CC2D1B: variants seen among roughly 807,000 people sequenced by gnomAD.
CC2D1B encodes the protein coiled-coil and C2 domain containing 1B, also known as coiled-coil and C2 domain-containing protein 1B.
In CC2D1B, 92 loss-of-function variants were observed where a neutral mutation model predicts 110.8. The ratio of observed to expected loss-of-function variants is 0.83; its 90% CI spans 0.70 to 0.99. The LOEUF is 0.99. Among genes scored for constraint, CC2D1B ranks in the 50% least tolerant of loss-of-function variants. The pLI, the probability that CC2D1B is intolerant of heterozygous loss-of-function variation, is 0.00. For missense variants in CC2D1B, 1,136 were observed against 1,089.0 expected (o/e 1.04, Z -0.61); for synonymous variants, 406 against 429.2 (o/e 0.95, Z 0.67).
intron 15 of CC2D1B, 156 bp from the exon 16 acceptor site, chr1:52,357,282 C>T: frequency 1.0e-6 from 1 of 993,634 alleles, no homozygotes; most frequent in African/African-American, 1.6e-5. Context: ...AAATAACACT[C>T]TTGCCTCCCA....
rs749231128 is a variant in CC2D1B, at chr1:52,360,444, G to A, written c.583C>T (p.Arg195Cys). The change falls in exon 6 of 25, where the codon CGC becomes TGC. Residue 195 changes from arginine (R) to cysteine (C), a missense_variant. Physicochemically the swap from Arg to Cys is radical, Grantham distance 180. Coordinates refer to ENST00000284376, the MANE Select transcript of CC2D1B (RefSeq NM_001330585.2). ...CTCACCTTCAGGCCGCGCTCGCAGC[G>A]CCTGGCTTTGGCTGCTTCGCCTGCC... ...KEAGEAAKARRCERGLKTLES... is the reference protein window; with the variant it reads ...KEAGEAAKARCCERGLKTLES... 21 of 1,613,636 alleles carry A rather than the reference G, an allele frequency of 1.3e-5. No individual in the cohort carries two copies. Among genetic ancestry groups the A allele is most frequent in the Admixed American group, 8.3e-5 (5 of 59,980 alleles).
At chr1:52,359,681 G>A in intron 8 of CC2D1B, 24 bp downstream of exon 8, 2 of 1,569,460 alleles carry the variant, frequency 1.3e-6, no homozygotes, top group Non-Finnish European at 1.7e-6. Flanking sequence ...AATGAGGGTG[G>A]GTGCCCTGAG....
chr1:52,354,319 A>T, intron 23 of CC2D1B: 1 of 613,636 alleles, frequency 1.6e-6, no homozygotes, highest in Admixed American at 2.1e-5. Context: ...TTCCTCTCGG[A>T]CCTGAGTTTC....
rs1021450028 is a variant in CC2D1B, at chr1:52,359,321, G to A, written c.1055C>T (p.Ala352Val). 4 of 1,613,368 alleles carry A rather than the reference G, an allele frequency of 2.5e-6. No individual in the cohort carries two copies. Among genetic ancestry groups the A allele is most frequent in the Admixed American group, 1.7e-5 (1 of 59,928 alleles). Reference sequence around the variant, plus strand: ...CACGGCTGGGGGAATGACTGAGGGTGCTGTGGGAGCCTGAGAAGCCTGCTG... The same window carrying A: ...CACGGCTGGGGGAATGACTGAGGGTACTGTGGGAGCCTGAGAAGCCTGCTG... ...KPQQASQAPT[A>V]PSVIPPAVER... Residue 352 changes from alanine (A) to valine (V), a missense_variant, in exon 10 of 25, where the codon GCA becomes GTA. By Grantham distance (64) the Ala-to-Val change is moderately conservative (BLOSUM62 0). Transcript: ENST00000284376.
chr1:52,362,830 TC>T, intron 2 of CC2D1B, 84 bp from the exon 3 acceptor site: 1 of 1,395,940 alleles, frequency 7.2e-7, no homozygotes, highest in South Asian at 1.3e-5. Context: ...GCTCTCCAAG[TC>T]CCAATCAGTG....
At chr1:52,358,959 C>G (rs1026495334) in intron 11 of CC2D1B, 68 bp downstream of exon 11, 1 of 1,583,442 alleles carries the variant, frequency 6.3e-7, no homozygotes, top group African/African-American at 1.3e-5. Context: ...GCCGGAGGAC[C>G]AGGGAGACAG....
intron 19 of CC2D1B, 51 bp from the exon 20 acceptor site, chr1:52,355,717 C>T (rs1325852686): frequency 5.0e-6 from 8 of 1,613,632 alleles, no homozygotes; most frequent in Non-Finnish European, 6.8e-6. Flanking sequence ...AGGAGCCTAG[C>T]ACTTGGAGTG....
Position 52,356,208 on chromosome 1 carries a change from A to C in CC2D1B, c.2032T>G (p.Leu678Val). ...TACCTCACAGTCTGGAATGTCTTCAACTCAAAGTGGTGGGTGGGAGGGTCG... is the reference window on the plus strand; with the variant it reads ...TACCTCACAGTCTGGAATGTCTTCACCTCAAAGTGGTGGGTGGGAGGGTCG... ...GLDPPTHHFE[L>V]KTFQTVRIFS... The change falls in exon 18 of 25, where the codon TTG becomes GTG. Residue 678 changes from leucine (L) to valine (V), a missense_variant. By Grantham distance (32) the Leu-to-Val change is conservative (BLOSUM62 1). Coordinates refer to ENST00000284376, the MANE Select transcript of CC2D1B (RefSeq NM_001330585.2). The C allele has an allele frequency of 6.2e-7, 1 of 1,606,134 alleles. No homozygotes were observed. The highest frequency in any genetic ancestry group is 8.5e-7 in the Non-Finnish European group (1 of 1,174,170).
chr1:52,355,354 A>C (rs751003738), intron 21 of CC2D1B, 44 bp downstream of exon 21: 1 of 1,598,086 alleles, frequency 6.3e-7, no homozygotes, highest in Non-Finnish European at 8.6e-7. Flanking sequence ...AGTGCTGCCC[A>C]CACACTCTGA....
chr1:52,357,226 T>C, intron 15 of CC2D1B, 100 bp from the exon 16 acceptor site: 1 of 1,404,928 alleles, frequency 7.1e-7, no homozygotes, highest in East Asian at 2.3e-5. Flanking sequence ...CTTCAGCTTC[T>C]ACTAAAGTCC....
intron 4 of CC2D1B, 108 bp downstream of exon 4, chr1:52,361,405 T>G: frequency 6.4e-7 from 1 of 1,557,162 alleles, no homozygotes; most frequent in Non-Finnish European, 8.7e-7. Context: ...AAGCACTCAC[T>G]CAGAGTCAGA....
At position 52,353,188 on chromosome 1, in the gene CC2D1B, T is replaced by C; in HGVS notation, c.*37A>G. The C allele has an allele frequency of 7.5e-7, 1 of 1,329,020 alleles. No individual in the cohort carries two copies. The highest frequency in any genetic ancestry group is 9.9e-7 in the Non-Finnish European group (1 of 1,005,746). The allele number at this position is 1,329,020 out of a possible 1,614,324, so 82.3% of individuals were successfully genotyped here. A position where few individuals can be genotyped will look rare whatever the true frequency, so the allele number is the denominator to read the frequency against. On this transcript the variant is annotated 3_prime_UTR_variant, in exon 25 of 25. Transcript: ENST00000284376. ...GCTGGGAAAGTCATCTCCTGCACAG[T>C]CGCGGCCTGACTCCTCTCCTGGTGC...
At chr1:52,353,380 A>T in intron 24 of CC2D1B, 138 bp downstream of exon 24, 1 of 1,514,976 alleles carries the variant, frequency 6.6e-7, no homozygotes, top group Non-Finnish European at 8.8e-7. Context: ...TCAGAAACTC[A>T]GCCCATAAGC....
chr1:52,356,856 AGAAAGTGC>A, intron 16 of CC2D1B, 137 bp downstream of exon 16: 1 of 918,718 alleles, frequency 1.1e-6, no homozygotes, highest in Non-Finnish European at 1.6e-6. Context: ...AGTTCAGAGA[AGAAAGTGC>A]CTTGCCCAAG....
intron 1 of CC2D1B, among the ~76,000 whole-genome samples, chr1:52,365,830 T>C (rs1024932279): frequency 6.6e-6 from 1 of 151,618 alleles, no homozygotes; most frequent in Admixed American, 6.6e-5. Context: ...GGACTCTGAG[T>C]GTCAGATTTC....
Position 52,359,780 on chromosome 1 carries a change from C to T in CC2D1B, c.867G>A (p.Glu289=). Reference sequence around the variant, plus strand: ...TGGCACTGAGGGCAGCCACTTTGTACTCTCTCTGTCGGGATGACAGCAGGG... The same window carrying T: ...TGGCACTGAGGGCAGCCACTTTGTATTCTCTCTGTCGGGATGACAGCAGGG... The part of the protein sequence containing the change: ...PRALLSSRQR[E]YKVAALSAKR... Residue 289 remains glutamate, a synonymous_variant, in exon 8 of 25, where the codon GAG becomes GAA. Transcript: ENST00000284376. 2.5e-6 allele frequency: 4 copies of T among 1,611,210 alleles called. No individual in the cohort carries two copies. Among genetic ancestry groups the T allele is most frequent in the Non-Finnish European group, 3.4e-6 (4 of 1,178,710 alleles).
At chr1:52,361,649 A>T in intron 3 of CC2D1B, 33 bp from the exon 4 acceptor site, 1 of 1,613,202 alleles carries the variant, frequency 6.2e-7, no homozygotes, top group Non-Finnish European at 8.5e-7. Context: ...AGTCAGCACA[A>T]CTCAGATAAG....
rs747657043 is a variant in CC2D1B, at chr1:52,360,135, G to A, written c.702C>T (p.Pro234=). The part of the protein sequence containing the change: ...PVALGKRPLA[P]QEPANRSPET... ...CAGGGCTCCTGTTGGCTGGTTCCTG[G>A]GGGGCCAGGGGCCGCTTTCCTAAGG... The change falls in exon 7 of 25, where the codon CCC becomes CCT. Residue 234 remains proline (P), a synonymous_variant. Transcript: ENST00000284376. 6 of 1,610,116 alleles carry A rather than the reference G, an allele frequency of 3.7e-6. No homozygotes were observed. In the Admixed American group the frequency reaches 8.4e-5, roughly 23 times the overall value.
chr1:52,355,574 G>C (rs766157397), intron 20 of CC2D1B, 34 bp downstream of exon 20: 3 of 1,613,356 alleles, frequency 1.9e-6, no homozygotes, highest in Non-Finnish European at 2.5e-6. Flanking sequence ...TGCAAGGCGG[G>C]TTTCAGAGGA....
Sources: allele counts gnomAD v4.1 joint callset (sites outside exome capture counted in the v4.1 genomes callset), GRCh38; gene constraint gnomAD v4.1.1; transcripts MANE v1.5; gene names NCBI Gene and HGNC (gene_info 2026-07-23, HGNC 2026-07-21).